DNAAF4: variants seen among roughly 807,000 people sequenced by gnomAD.
DNAAF4 encodes dynein axonemal assembly factor 4, also known as dynein assembly factor 4, axonemal.
In DNAAF4, 43 loss-of-function variants were observed where a neutral mutation model predicts 51.8. The observed-to-expected ratio is 0.83, with a 90% CI of 0.65 to 1.07. The LOEUF (loss-of-function observed/expected upper bound fraction) is 1.07. DNAAF4 is among the 50% of genes least tolerant of loss of function. DNAAF4 has a pLI of 0.00. For synonymous variants in DNAAF4, 194 were observed against 165.6 expected, an observed-to-expected ratio of 1.17 and a Z score of -1.32; for missense variants, 581 against 493.0, an observed-to-expected ratio of 1.18 and a Z score of -1.69.
At chr15:55,434,740 C>A (rs2057580506) in intron 8 of DNAAF4, among the ~76,000 whole-genome samples, 165 bp downstream of exon 8, 1 of 151,606 alleles carries the variant, frequency 6.6e-6, no homozygotes, top group Non-Finnish European at 1.5e-5. Context: ...AGTTCCTTGT[C>A]CATTAGTAAA....
In DNAAF4 at chr15:55,466,983, AT is replaced by A. The variant is rs753649614; in HGVS notation, c.583del (p.Ile195Ter). The A allele has an allele frequency of 4.5e-5, 72 of 1,582,474 alleles. 1 individual carries two copies. Among genetic ancestry groups the A allele is most frequent in the East Asian group, 1.1e-4 (5 of 44,446 alleles). On this transcript the variant is annotated frameshift_variant, in exon 5 of 10. Coordinates refer to ENST00000321149, the MANE Select transcript of DNAAF4 (RefSeq NM_130810.4). LOFTEE classifies it high-confidence loss of function. ...ATTTCTAGTAAGACTCTTATATTTT[AT>A]TTTTTTTCTTTCTTCTTTAATTTGC... ...EKQIKEERKK[I>X]KYKSLTRNLA...
intron 4 of DNAAF4, among the ~76,000 whole-genome samples, chr15:55,480,372 C>T (rs907336911): frequency 6.6e-6 from 1 of 152,148 alleles, no homozygotes; most frequent in African/African-American, 2.4e-5. Context: ...TTAACCAGGG[C>T]CACTGTAGCA....
At chr15:55,504,265 TAA>T (rs1388226816) in intron 1 of DNAAF4, among the ~76,000 whole-genome samples, 1 of 151,984 alleles carries the variant, frequency 6.6e-6, no homozygotes, top group Admixed American at 6.6e-5. Context: ...CTCAGTGAAA[TAA>T]AAGAGGACAC....
intron 6 of DNAAF4, among the ~76,000 whole-genome samples, chr15:55,441,406 TTTTCA>T (rs1398709660): frequency 2.0e-5 from 3 of 151,686 alleles, no homozygotes; most frequent in African/African-American, 7.3e-5. Context: ...GGTTATAATA[TTTTCA>T]TTTTTCTTTT....
At chr15:55,437,010 G>A (rs1245773000) in intron 7 of DNAAF4, among the ~76,000 whole-genome samples, 1 of 151,934 alleles carries the variant, frequency 6.6e-6, no homozygotes, top group African/African-American at 2.4e-5. Context: ...AGTAAAGACA[G>A]GGTTTCTCCT....
chr15:55,452,244 T>TAAAAAA (rs57692277), intron 5 of DNAAF4, among the ~76,000 whole-genome samples: 10 of 53,612 alleles, frequency 1.9e-4, no homozygotes, highest in Admixed American at 3.5e-4. Context: ...CATGTCTCAC[T>TAAAAAA]AAAAAAAAAA....
At chr15:55,483,119 C>G (rs1019392184) in intron 4 of DNAAF4, among the ~76,000 whole-genome samples, 1 of 151,862 alleles carries the variant, frequency 6.6e-6, no homozygotes, top group African/African-American at 2.4e-5. Flanking sequence ...TATTTTGAGA[C>G]AGAGTTTTGC....
chr15:55,431,591 C>A (rs956303107), intron 9 of DNAAF4, among the ~76,000 whole-genome samples: 7 of 151,296 alleles, frequency 4.6e-5, no homozygotes, highest in Non-Finnish European at 8.8e-5. Flanking sequence ...TCTCTGGCCT[C>A]AGTCTCCTGA....
intron 9 of DNAAF4, among the ~76,000 whole-genome samples, chr15:55,432,282 G>A (rs1446493716): frequency 6.6e-6 from 1 of 151,968 alleles, no homozygotes; most frequent in African/African-American, 2.4e-5. Context: ...GAAACTTGTT[G>A]TTTACACTTA....
At chr15:55,503,543 G>A (rs971675415) in intron 1 of DNAAF4, among the ~76,000 whole-genome samples, 2 of 152,192 alleles carry the variant, frequency 1.3e-5, no homozygotes, top group Middle Eastern at 3.4e-3. Flanking sequence ...CTGGCAAACC[G>A]AATCCAGCAG....
At chr15:55,471,931 T>G (rs2058261668) in intron 4 of DNAAF4, among the ~76,000 whole-genome samples, 1 of 151,986 alleles carries the variant, frequency 6.6e-6, no homozygotes, top group African/African-American at 2.4e-5. Flanking sequence ...CCTCCGCCTC[T>G]CGGGTTCAAG....
intron 5 of DNAAF4, among the ~76,000 whole-genome samples, chr15:55,457,377 C>G (rs1355547070): frequency 3.3e-5 from 5 of 152,098 alleles, no homozygotes; most frequent in Admixed American, 3.3e-4. Context: ...ATCCCCTCCA[C>G]CCCCACTGTG....
chr15:55,435,014 T>C lies in DNAAF4; in HGVS notation c.938A>G (p.Tyr313Cys), dbSNP rs201599439. The stretch of plus-strand genomic sequence containing the variant: ...ATTATTTAGTCTTATGGCTAAATTA[T>C]ATGCATTGATAGCTGCCAAATAGTT... ...TENYLAAINA[Y>C]NLAIRLNNKM... is the part of the protein sequence containing the mutation. The change falls in exon 8 of 10, where the codon TAT (tyrosine) becomes TGT (cysteine). Residue 313 changes from tyrosine to cysteine, a missense_variant. Physicochemically the swap from Tyr to Cys is radical, Grantham distance 194 (BLOSUM62 -2). Transcript: ENST00000321149. The C allele has an allele frequency of 6.2e-7, 1 of 1,611,426 alleles. No homozygotes were observed. The highest frequency in any genetic ancestry group is 1.7e-5 in the Admixed American group (1 of 59,312).
At chr15:55,423,536 T>C (rs2057405114) in intron 7 of DNAAF4, among the ~76,000 whole-genome samples, 1 of 152,188 alleles carries the variant, frequency 6.6e-6, no homozygotes, top group Non-Finnish European at 1.5e-5. Context: ...TGAGCCACCA[T>C]GCTGACCAGA....
At chr15:55,433,911 TA>T (rs1318677794) in intron 8 of DNAAF4, among the ~76,000 whole-genome samples, 2 of 1,050 alleles carry the variant, frequency 1.9e-3, no homozygotes, top group Non-Finnish European at 5.6e-3. Flanking sequence ...ATATTATATA[TA>T]ATTATATATA....
intron 4 of DNAAF4, among the ~76,000 whole-genome samples, chr15:55,490,148 C>T (rs955431124): frequency 2.6e-5 from 4 of 152,042 alleles, no homozygotes; most frequent in Non-Finnish European, 5.9e-5. Context: ...GCTGGGATTA[C>T]AGGCATGAGC....
At chr15:55,439,660 CT>C in intron 6 of DNAAF4, 79 bp from the exon 7 acceptor site, 2 of 1,263,436 alleles carry the variant, frequency 1.6e-6, no homozygotes, top group South Asian at 2.6e-5. Flanking sequence ...TTCCATCTTC[CT>C]CCAGTGGATT....
chr15:55,454,262 C>T (rs187269181), intron 5 of DNAAF4, among the ~76,000 whole-genome samples: 1 of 151,546 alleles, frequency 6.6e-6, no homozygotes, highest in Non-Finnish European at 1.5e-5. Context: ...GATCGTGCCA[C>T]TGCACTCCAG....
At chr15:55,463,819 A>G (rs538478837) in intron 5 of DNAAF4, among the ~76,000 whole-genome samples, 2 of 152,304 alleles carry the variant, frequency 1.3e-5, no homozygotes, top group South Asian at 2.1e-4. Flanking sequence ...GACACAAACA[A>G]ATGGAAATAC....
Sources: gnomAD v4.1 joint callset for allele counts (sites outside exome capture counted in the v4.1 genomes callset) on GRCh38, gnomAD v4.1.1 for gene constraint, MANE v1.5 for transcripts, NCBI Gene and HGNC (gene_info 2026-07-23, HGNC 2026-07-21) for gene names.